The following MYBPC1 variants were observed in gnomAD, a reference collection of about 807,000 sequenced individuals.
MYBPC1 encodes the protein myosin binding protein C1, also known as myosin-binding protein C, slow-type.
MYBPC1 carries 52 observed loss-of-function variants against 147.1 expected under a neutral mutation model. The observed-to-expected ratio is 0.35, with a 90% confidence interval of 0.28 to 0.45. MYBPC1 has a LOEUF of 0.45. Among genes scored for constraint, MYBPC1 ranks in the 20% least tolerant of loss-of-function variants. MYBPC1 has a pLI of 1.00. For synonymous variants in MYBPC1, 477 were observed against 475.9 expected, an observed-to-expected ratio of 1.00 and a Z score of -0.03; for missense variants, 1,228 against 1,440.3, an observed-to-expected ratio of 0.85 and a Z score of 2.39.
chr12:101,649,926 G>C (rs78786499), intron 15 of MYBPC1, among the ~76,000 whole-genome samples: 2,948 of 152,284 alleles, frequency 0.019, 101 homozygotes, highest in East Asian at 0.11. Flanking sequence ...AGCAATGGCA[G>C]AATCTCTCCC....
intron 3 of MYBPC1, among the ~76,000 whole-genome samples, chr12:101,621,713 G>A (rs1365241075): frequency 6.6e-6 from 1 of 151,972 alleles, no homozygotes; most frequent in Non-Finnish European, 1.5e-5. Flanking sequence ...ATTTTAAAAG[G>A]CAATTTAAAA....
intron 17 of MYBPC1, 49 bp downstream of exon 17, chr12:101,652,833 CT>C: frequency 6.9e-7 from 1 of 1,453,410 alleles, no homozygotes; most frequent in African/African-American, 1.4e-5. Context: ...TTTTTGTTTG[CT>C]TTTGCTTACC....
intron 28 of MYBPC1, among the ~76,000 whole-genome samples, chr12:101,679,273 G>T (rs2136851967): frequency 6.6e-6 from 1 of 152,322 alleles, no homozygotes; most frequent in East Asian, 1.9e-4. Context: ...GGAAGCAGAT[G>T]GAGAGGTTCA....
the MYBPC1 span, among the ~76,000 whole-genome samples, chr12:101,694,884 G>T: frequency 6.6e-6 from 1 of 151,696 alleles, no homozygotes; most frequent in African/African-American, 2.4e-5. Flanking sequence ...GAAAATACCA[G>T]TTTATTTACC....
Position 101,631,530 on chromosome 12 carries a change from G to C in MYBPC1, c.290-41G>C, listed in dbSNP as rs12298891. 5 of 1,609,062 alleles carry C rather than the reference G, an allele frequency of 3.1e-6. No homozygotes were observed. In the Admixed American group the frequency reaches 6.7e-5, roughly 21 times the overall value. ...TCCAGTTGAAAGCAAAACAAATGAC[G>C]CTTGTTAAAGAGCAAGCTGAATCCC... On this transcript the variant is annotated intron_variant, in intron 6 of 31. Transcript: ENST00000361466.
rs58177042 is a variant in MYBPC1, at chr12:101,670,123, C to CCACA, written c.2525-169_2525-166dup. Among the ~76,000 whole-genome samples, 11,732 of 146,208 alleles carry CCACA rather than the reference C, an allele frequency of 0.08. 534 individuals are homozygous for CCACA. The highest frequency in any genetic ancestry group is 0.13 in the Middle Eastern group (38 of 284). ...CTGTTAAAACATCTCTGTGTGGAAA[C>CCACA]CACACACACACACACACACACACAC... On this transcript the variant is annotated intron_variant, in intron 23 of 31. Transcript: ENST00000361466.
chr12:101,600,900 T>C (rs2695301), intron 1 of MYBPC1, among the ~76,000 whole-genome samples: 38,155 of 152,096 alleles, frequency 0.25, 5,132 homozygotes, highest in Middle Eastern at 0.44. Context: ...TTTAATTTCA[T>C]GTGTGTACCT....
At chr12:101,630,786 A>G (rs1394774744) in intron 6 of MYBPC1, among the ~76,000 whole-genome samples, 8 of 152,236 alleles carry the variant, frequency 5.3e-5, no homozygotes, top group Admixed American at 3.3e-4. Flanking sequence ...AGGGATGGTG[A>G]GCTGGAGGAG....
chr12:101,616,926 A>T (rs957694768), intron 2 of MYBPC1, among the ~76,000 whole-genome samples: 5 of 152,170 alleles, frequency 3.3e-5, no homozygotes, highest in African/African-American at 1.2e-4. Flanking sequence ...ACATGATCCA[A>T]GTATAGTTGA....
chr12:101,626,905 C>T lies in MYBPC1; in HGVS notation c.137C>T (p.Pro46Leu), dbSNP rs144391431. ...EEEVSPPSAL[P>L]PGLGSRALER... is the part of the protein sequence containing the mutation. The stretch of plus-strand genomic sequence containing the variant: ...GAAGTCTCCCCGCCTAGCGCCTTGC[C>T]TCCAGGTTGGGATAATTTCTACCCT... The change falls in exon 4 of 32, where the codon CCT (proline) becomes CTT (leucine). Residue 46 changes from proline to leucine, a missense_variant. Physicochemically the swap from Pro to Leu is moderately conservative, Grantham distance 98. Transcript: ENST00000361466. The T allele has an allele frequency of 1.9e-6, 3 of 1,611,734 alleles. No individual in the cohort carries two copies. The highest frequency in any genetic ancestry group is 2.5e-6 in the Non-Finnish European group (3 of 1,177,904).
At chr12:101,599,279 G>T (rs1878822177) in intron 1 of MYBPC1, among the ~76,000 whole-genome samples, 1 of 152,180 alleles carries the variant, frequency 6.6e-6, no homozygotes, top group South Asian at 2.1e-4. Context: ...AATAGGAATA[G>T]ATGGGACCAT....
At chr12:101,640,619 C>T (rs1891833870) in intron 10 of MYBPC1, among the ~76,000 whole-genome samples, 1 of 152,166 alleles carries the variant, frequency 6.6e-6, no homozygotes, top group South Asian at 2.1e-4. Flanking sequence ...CTTTCACTTC[C>T]TTCTATTTTC....
chr12:101,632,588 T>C (rs998228510), intron 8 of MYBPC1, among the ~76,000 whole-genome samples: 2 of 152,146 alleles, frequency 1.3e-5, no homozygotes, highest in African/African-American at 2.4e-5. Context: ...AGAGTAAACA[T>C]AGAAGGCCTA....
At chr12:101,653,632 G>T (rs886735620) in intron 18 of MYBPC1, among the ~76,000 whole-genome samples, 1 of 152,142 alleles carries the variant, frequency 6.6e-6, no homozygotes, top group Non-Finnish European at 1.5e-5. Flanking sequence ...GCAAGTAACT[G>T]CATAGTCAAT....
intron 22 of MYBPC1, chr12:101,666,921 A>G (rs1897579897): frequency 2.3e-6 from 1 of 437,218 alleles, no homozygotes; most frequent in Non-Finnish European, 4.1e-6. Flanking sequence ...ACACACACAC[A>G]CACACACATA....
intron 6 of MYBPC1, among the ~76,000 whole-genome samples, chr12:101,630,681 A>G (rs567916177): frequency 6.6e-6 from 1 of 152,348 alleles, no homozygotes; most frequent in African/African-American, 2.4e-5. Flanking sequence ...CTCCTGTTTT[A>G]GGCACTGAGT....
intron 22 of MYBPC1, among the ~76,000 whole-genome samples, 178 bp from the exon 23 acceptor site, chr12:101,667,553 TA>T (rs1288228105): frequency 6.6e-6 from 1 of 152,226 alleles, no homozygotes; most frequent in Non-Finnish European, 1.5e-5. Context: ...GGCTGTTTTT[TA>T]TTTAATATAT....
At chr12:101,676,041 C>T (rs1051542394) in intron 26 of MYBPC1, among the ~76,000 whole-genome samples, 1 of 152,208 alleles carries the variant, frequency 6.6e-6, no homozygotes, top group Non-Finnish European at 1.5e-5. Context: ...TTGAATGCAG[C>T]CCAACACATA....
At chr12:101,692,609 C>T in the MYBPC1 span, among the ~76,000 whole-genome samples, 1 of 152,068 alleles carries the variant, frequency 6.6e-6, no homozygotes, top group South Asian at 2.1e-4. Context: ...GAAATAACTC[C>T]TGATGTTTAG....
Sources: allele counts gnomAD v4.1 joint callset (sites outside exome capture counted in the v4.1 genomes callset), GRCh38; gene constraint gnomAD v4.1.1; transcripts MANE v1.5; gene names NCBI Gene and HGNC (gene_info 2026-07-23, HGNC 2026-07-21).